Variants in CNTN6 observed in about 807,000 individuals in gnomAD.
The protein encoded by CNTN6 is contactin 6, also known as contactin-6.
Under a neutral mutation model 122.8 loss-of-function variants are expected in CNTN6, and 137 were observed. The observed-to-expected ratio is 1.12, with a 90% CI of 0.97 to 1.29. CNTN6 has a LOEUF of 1.29. Among genes scored for constraint, CNTN6 ranks in the 50% most tolerant of loss-of-function variants. CNTN6 has a pLI of 0.00. For missense variants in CNTN6, 1,634 were observed against 1,223.4 expected (o/e 1.34, Z -5.01); for synonymous variants, 570 against 426.0 (o/e 1.34, Z -4.16).
intron 1 of CNTN6, among the ~76,000 whole-genome samples, chr3:1,115,120 T>C (rs763340321): frequency 2.8e-4 from 43 of 152,216 alleles, no homozygotes; most frequent in Non-Finnish European, 8.8e-5. Context: ...ATGATCCTTC[T>C]GTGTATAAGG....
chr3:1,255,601 GTAT>G (rs1471567744), intron 4 of CNTN6, among the ~76,000 whole-genome samples: 6 of 151,928 alleles, frequency 3.9e-5, no homozygotes, highest in Non-Finnish European at 1.5e-5. Flanking sequence ...TTTAAGAAAT[GTAT>G]TATTTAATTG....
chr3:1,186,814 T>TTTA (rs1559477869), intron 2 of CNTN6, among the ~76,000 whole-genome samples: 1 of 151,764 alleles, frequency 6.6e-6, no homozygotes, highest in East Asian at 1.9e-4. Flanking sequence ...TCTTTTTATT[T>TTTA]TTTTCTTTTT....
intron 5 of CNTN6, among the ~76,000 whole-genome samples, chr3:1,283,384 C>G (rs1456280566): frequency 6.6e-6 from 1 of 152,168 alleles, no homozygotes; most frequent in Non-Finnish European, 1.5e-5. Context: ...CCAAAGTGAG[C>G]TTTTGTTAAA....
intron 4 of CNTN6, among the ~76,000 whole-genome samples, chr3:1,238,575 T>C (rs941543414): frequency 6.6e-6 from 1 of 152,106 alleles, no homozygotes; most frequent in Non-Finnish European, 1.5e-5. Flanking sequence ...TTAAACTATA[T>C]TCTAGAACAA....
chr3:1,282,118 T>C (rs530617817), intron 5 of CNTN6, among the ~76,000 whole-genome samples: 1 of 152,272 alleles, frequency 6.6e-6, no homozygotes, highest in Admixed American at 6.5e-5. Context: ...AGTGTCTAGA[T>C]GGTTTTTCCA....
At chr3:1,243,917 G>T (rs981473271) in intron 4 of CNTN6, among the ~76,000 whole-genome samples, 5 of 152,082 alleles carry the variant, frequency 3.3e-5, no homozygotes, top group African/African-American at 1.2e-4. Context: ...GGACCAAGGG[G>T]ACAGGCGGGA....
chr3:1,178,926 A>G (rs2093503455), intron 2 of CNTN6, among the ~76,000 whole-genome samples: 1 of 152,092 alleles, frequency 6.6e-6, no homozygotes, highest in African/African-American at 2.4e-5. Context: ...GTCCATTTGC[A>G]TTGCATTCCT....
chr3:1,379,133 G>A (rs1310670318), intron 17 of CNTN6, among the ~76,000 whole-genome samples: 1 of 152,072 alleles, frequency 6.6e-6, no homozygotes, highest in Non-Finnish European at 1.5e-5. Flanking sequence ...AGTCTATAAT[G>A]AGGGCCCAAA....
At chr3:1,142,448 A>G (rs528146563) in intron 1 of CNTN6, among the ~76,000 whole-genome samples, 14 of 152,272 alleles carry the variant, frequency 9.2e-5, no homozygotes, top group Middle Eastern at 3.4e-3. Context: ...ATCTTTTTCT[A>G]CTACATAGAT....
chr3:1,396,056 C>T (rs1016946975), intron 20 of CNTN6, among the ~76,000 whole-genome samples: 4 of 152,122 alleles, frequency 2.6e-5, no homozygotes, highest in South Asian at 4.1e-4. Context: ...ATTTTTCCTC[C>T]TAAAATGCCG....
chr3:1,199,988 C>T (rs2093837670), intron 2 of CNTN6, among the ~76,000 whole-genome samples: 1 of 152,050 alleles, frequency 6.6e-6, no homozygotes. Context: ...AAGATAAAGG[C>T]CTACATTTTC....
chr3:1,240,169 A>C (rs987489509), intron 4 of CNTN6, among the ~76,000 whole-genome samples: 1 of 152,222 alleles, frequency 6.6e-6, no homozygotes, highest in East Asian at 1.9e-4. Flanking sequence ...AGATAAATAC[A>C]TGGGACTTAA....
intron 4 of CNTN6, among the ~76,000 whole-genome samples, chr3:1,259,954 T>C (rs2094818157): frequency 6.6e-6 from 1 of 152,156 alleles, no homozygotes; most frequent in African/African-American, 2.4e-5. Context: ...ATGTTAAAAC[T>C]GCTTTGAATT....
intron 20 of CNTN6, among the ~76,000 whole-genome samples, chr3:1,388,299 C>T (rs1428011216): frequency 5.4e-5 from 8 of 147,648 alleles, no homozygotes; most frequent in South Asian, 2.2e-4. Context: ...CCAGCAGGGG[C>T]ACACTGACAC....
intron 2 of CNTN6, among the ~76,000 whole-genome samples, chr3:1,208,863 G>A (rs149506172): frequency 6.6e-6 from 1 of 152,258 alleles, no homozygotes; most frequent in African/African-American, 2.4e-5. Flanking sequence ...TTGAGTGTCA[G>A]CTTCTTGAAT....
At position 1,164,261 on chromosome 3, in the gene CNTN6, C is replaced by T. The variant is rs1029300275; in HGVS notation, c.55+16198C>T. On this transcript the variant is annotated intron_variant, in intron 2 of 22. Transcript: ENST00000446702. ...TTTTAGAGGCAACAGTTCACAAACG[C>T]TTCCCCTTCACATGCCCATTCTGGC... 2.6e-5 allele frequency among the ~76,000 whole-genome samples: 4 copies of T among 152,232 alleles called. No individual in the cohort carries two copies. The South Asian group carries it at 8.3e-4, about 31-fold the overall frequency.
At chr3:1,106,834 G>A (rs1489343126) in intron 1 of CNTN6, among the ~76,000 whole-genome samples, 2 of 151,994 alleles carry the variant, frequency 1.3e-5, no homozygotes, top group African/African-American at 4.8e-5. Context: ...TATTTTTACT[G>A]CATGGTGGGA....
Position 1,193,615 on chromosome 3 carries a change from A to G in CNTN6, c.56-27072A>G, listed in dbSNP as rs556224309. Among the ~76,000 whole-genome samples the G allele has an allele frequency of 6.6e-5, 10 of 152,072 alleles. No homozygotes were observed. In the East Asian group the frequency reaches 1.2e-3, roughly 18 times the overall value. On this transcript the variant is annotated intron_variant, in intron 2 of 22. Transcript: ENST00000446702. ...TCTGATTGCCAAATATGTAAATTCA[A>G]CTGTTTCTCTGGGCCTCCATTTTCT...
intron 1 of CNTN6, among the ~76,000 whole-genome samples, chr3:1,102,758 A>G (rs1049221353): frequency 6.7e-6 from 1 of 148,610 alleles, no homozygotes; most frequent in Non-Finnish European, 1.5e-5. Flanking sequence ...AATAAGAAAT[A>G]GACATGCATT....
Sources: allele counts gnomAD v4.1 joint callset (sites outside exome capture counted in the v4.1 genomes callset), GRCh38; gene constraint gnomAD v4.1.1; transcripts MANE v1.5; gene names NCBI Gene and HGNC (gene_info 2026-07-23, HGNC 2026-07-21).